The following PDE4D variants were observed in gnomAD, a reference collection of about 807,000 sequenced individuals.
PDE4D encodes the protein phosphodiesterase 4D, also known as 3',5'-cyclic-AMP phosphodiesterase 4D.
Under a neutral mutation model 87.4 loss-of-function variants are expected in PDE4D, and 24 were observed. The observed-to-expected ratio is 0.27, with a 90% CI of 0.20 to 0.39. The LOEUF is 0.39. PDE4D is among the 10% of genes least tolerant of loss of function. The probability of loss-of-function intolerance (pLI) is 1.00; values close to 1 mark genes in which losing one functional copy is unlikely to be tolerated. For missense variants in PDE4D, 714 were observed against 1,041.0 expected, an observed-to-expected ratio of 0.69 and a Z score of 4.32; for synonymous variants, 384 against 383.2, an observed-to-expected ratio of 1.00 and a Z score of -0.02.
At chr5:59,308,566 C>T (rs543584247) in intron 1 of PDE4D, among the ~76,000 whole-genome samples, 2 of 152,028 alleles carry the variant, frequency 1.3e-5, no homozygotes, top group East Asian at 1.9e-4. Flanking sequence ...GGCCCCAGTC[C>T]CTTCTAGCTT....
intron 5 of PDE4D, among the ~76,000 whole-genome samples, chr5:59,068,432 C>G (rs973400091): frequency 6.6e-6 from 1 of 152,052 alleles, no homozygotes; most frequent in Non-Finnish European, 1.5e-5. Context: ...GTATATTGAG[C>G]AATTCCTATA....
At chr5:59,732,415 C>T (rs1458042413) in intron 1 of PDE4D, among the ~76,000 whole-genome samples, 1 of 151,856 alleles carries the variant, frequency 6.6e-6, no homozygotes, top group Non-Finnish European at 1.5e-5. Flanking sequence ...CACACACACA[C>T]ACACACACAC....
chr5:59,376,947 T>G (rs983528096), intron 1 of PDE4D, among the ~76,000 whole-genome samples: 14 of 152,192 alleles, frequency 9.2e-5, no homozygotes, highest in African/African-American at 2.9e-4. Context: ...AGATTCCCTA[T>G]TCAATAAATG....
At chr5:60,376,681 G>A (rs1054724162) in intron 1 of PDE4D, among the ~76,000 whole-genome samples, 1 of 152,082 alleles carries the variant, frequency 6.6e-6, no homozygotes, top group African/African-American at 2.4e-5. Flanking sequence ...GGCATCTCTG[G>A]TCCTTCCCTC....
intron 2 of PDE4D, among the ~76,000 whole-genome samples, chr5:60,000,577 T>C (rs2152838350): frequency 6.6e-6 from 1 of 152,084 alleles, no homozygotes; most frequent in Admixed American, 6.6e-5. Context: ...CTAAAAGGAG[T>C]CCTTTGAGTT....
At chr5:59,893,063 A>G in intron 1 of PDE4D, 105 bp downstream of exon 1, 2 of 1,165,840 alleles carry the variant, frequency 1.7e-6, no homozygotes, top group Non-Finnish European at 2.4e-6. Flanking sequence ...CTAGCATTTT[A>G]CCCTGGGTCT....
chr5:60,120,646 C>A (rs1159797748), intron 2 of PDE4D, among the ~76,000 whole-genome samples: 3 of 152,126 alleles, frequency 2.0e-5, no homozygotes, highest in Non-Finnish European at 4.4e-5. Flanking sequence ...CTGTCCAGTT[C>A]CTAAGAGAGT....
chr5:60,479,246 GTA>G (rs2150211852), intron 1 of PDE4D, among the ~76,000 whole-genome samples: 1 of 152,290 alleles, frequency 6.6e-6, no homozygotes, highest in East Asian at 1.9e-4. Context: ...CCAACTGGTA[GTA>G]TCTCTAGAAC....
At chr5:59,016,540 A>G (rs947889156) in intron 6 of PDE4D, among the ~76,000 whole-genome samples, 1 of 152,012 alleles carries the variant, frequency 6.6e-6, no homozygotes, top group South Asian at 2.1e-4. Flanking sequence ...GCTTCATGTG[A>G]TAATTCTCAA....
At chr5:60,305,038 TACACAC>T (rs35539982) in intron 1 of PDE4D, among the ~76,000 whole-genome samples, 86 of 135,930 alleles carry the variant, frequency 6.3e-4, no homozygotes, top group African/African-American at 1.9e-3. Flanking sequence ...TTTTGAGCTA[TACACAC>T]ACACACACAC....
intron 1 of PDE4D, among the ~76,000 whole-genome samples, chr5:59,450,011 G>C (rs1035340363): frequency 1.3e-5 from 2 of 152,154 alleles, no homozygotes; most frequent in East Asian, 3.8e-4. Flanking sequence ...GTTTCTATGT[G>C]TTTGCCATTT....
At chr5:60,088,872 AGTGGCTGAAT>A (rs535404166) in intron 2 of PDE4D, among the ~76,000 whole-genome samples, 64 of 152,182 alleles carry the variant, frequency 4.2e-4, no homozygotes, top group African/African-American at 1.4e-3. Context: ...TAAAAGACAG[AGTGGCTGAAT>A]GAATTTTTAA....
At chr5:59,545,683 G>A (rs1046752567) in intron 1 of PDE4D, among the ~76,000 whole-genome samples, 3 of 152,116 alleles carry the variant, frequency 2.0e-5, no homozygotes, top group Non-Finnish European at 2.9e-5. Context: ...GAAGAACTTT[G>A]AAGAGCTATA....
intron 1 of PDE4D, among the ~76,000 whole-genome samples, chr5:60,416,282 G>A (rs1037877216): frequency 7.9e-5 from 12 of 152,354 alleles, no homozygotes; most frequent in Admixed American, 3.3e-4. Context: ...GGCCAGATAA[G>A]AGAATAAAAG....
intron 2 of PDE4D, among the ~76,000 whole-genome samples, chr5:60,138,313 C>A (rs1015386797): frequency 6.6e-6 from 1 of 151,888 alleles, no homozygotes; most frequent in African/African-American, 2.4e-5. Flanking sequence ...TTGATGCAAC[C>A]CCTTGTTAAA....
intron 1 of PDE4D, among the ~76,000 whole-genome samples, chr5:59,445,623 T>G (rs781484317): frequency 3.3e-5 from 5 of 152,238 alleles, no homozygotes; most frequent in Non-Finnish European, 7.3e-5. Flanking sequence ...GTTAACAGAA[T>G]GTAGCCTTTT....
At chr5:59,307,939 TAGCAA>T (rs1161384250) in intron 1 of PDE4D, among the ~76,000 whole-genome samples, 1 of 152,008 alleles carries the variant, frequency 6.6e-6, no homozygotes, top group African/African-American at 2.4e-5. Context: ...CTATTCACAA[TAGCAA>T]AGACTTGGAA....
At chr5:59,520,967 A>T (rs1034252656) in intron 1 of PDE4D, among the ~76,000 whole-genome samples, 2 of 152,162 alleles carry the variant, frequency 1.3e-5, no homozygotes, top group African/African-American at 4.8e-5. Context: ...GAAATTCCTC[A>T]ATTTCAAAGA....
chr5:59,557,569 C>T lies in PDE4D; in HGVS notation c.455+335599G>A, dbSNP rs151005346. Among the ~76,000 whole-genome samples, 652 of 152,018 alleles carry T rather than the reference C, an allele frequency of 4.3e-3. 5 individuals carry two copies. Among genetic ancestry groups the T allele is most frequent in the African/African-American group, 0.015 (607 of 41,456 alleles). On this transcript the variant is annotated intron_variant, in intron 1 of 14. Coordinates refer to ENST00000340635, the MANE Select transcript of PDE4D (RefSeq NM_001104631.2). ...CAATGATGGTTTGTAGAGTATACTT[C>T]AGAAATAATTTAGTCAGTAGGTTTA...
Sources: allele counts gnomAD v4.1 joint callset (sites outside exome capture counted in the v4.1 genomes callset), GRCh38; gene constraint gnomAD v4.1.1; transcripts MANE v1.5; gene names NCBI Gene and HGNC (gene_info 2026-07-23, HGNC 2026-07-21).